BRWD3: variants seen among roughly 807,000 people sequenced by gnomAD.
BRWD3 encodes the protein bromodomain and WD repeat domain containing 3, also known as bromodomain and WD repeat-containing protein 3.
Under a neutral mutation model 149.7 loss-of-function variants are expected in BRWD3, and 10 were observed. The ratio of observed to expected loss-of-function variants is 0.07; its 90% CI spans 0.04 to 0.11. The LOEUF (loss-of-function observed/expected upper bound fraction) is 0.11. Among genes scored for constraint, BRWD3 ranks in the 10% least tolerant of loss-of-function variants. The pLI, the probability that BRWD3 is intolerant of heterozygous loss-of-function variation, is 1.00. For missense variants in BRWD3, 940 were observed against 1,373.2 expected (o/e 0.68, Z 4.99); for synonymous variants, 504 against 456.7 (o/e 1.10, Z -1.32).
At chrX:80,790,473 CA>C (rs1433679493) in intron 6 of BRWD3, among the ~76,000 whole-genome samples, 2 of 111,209 alleles carry the variant, frequency 1.8e-5, no homozygotes, top group African/African-American at 6.5e-5. Flanking sequence ...AGCTCCTCCC[CA>C]AATAACATGC....
rs200361750 is a variant in BRWD3, at chrX:80,685,672, G to GAATTGTACATTCGTCATTCTA, written c.4006-137_4006-136insTAGAATGACGAATGTACAATT. The GAATTGTACATTCGTCATTCTA allele has an allele frequency of 0.019, 9,363 of 504,001 alleles. 114 individuals carry two copies. The highest frequency in any genetic ancestry group is 0.022 in the Non-Finnish European group (6,516 of 291,659). The allele number at this position is 504,001 out of a possible 1,213,427, so 41.5% of individuals were successfully genotyped here. A position where few individuals can be genotyped will look rare whatever the true frequency, so the allele number is the denominator to read the frequency against. The stretch of plus-strand genomic sequence containing the variant: ...TTATCGGCTGTACTTTAAGGTGAAG[G>GAATTGTACATTCGTCATTCTA]AATTGTACATTCGTCATTCTCCTTT... On this transcript the variant is annotated intron_variant, in intron 35 of 40. Transcript: ENST00000373275.
At chrX:80,761,994 T>C (rs1361463393) in intron 6 of BRWD3, among the ~76,000 whole-genome samples, 1 of 111,540 alleles carries the variant, frequency 9.0e-6, no homozygotes, top group Non-Finnish European at 1.9e-5. Context: ...CTAATGAAAT[T>C]TTCATCAGAA....
intron 5 of BRWD3, 100 bp from the exon 6 acceptor site, chrX:80,792,052 C>A: frequency 1.8e-6 from 1 of 548,336 alleles, no homozygotes; most frequent in Admixed American, 3.6e-5. Flanking sequence ...TGTTGGAATA[C>A]ATTTTTAATT....
Position 80,723,981 on chromosome X carries a change from T to C in BRWD3, c.1522-105A>G. 4.4e-6 allele frequency: 4 copies of C among 906,551 alleles called. No homozygotes were observed. In the South Asian group the frequency reaches 8.4e-5, roughly 19 times the overall value. 74.7% of individuals were successfully genotyped at this position (906,551 alleles called of 1,213,427 possible). On this transcript the variant is annotated intron_variant, in intron 15 of 40. Transcript: ENST00000373275. ...CCATGGACTCTGTGATACACAAACA[T>C]TCCAAAGTACTCTCTCTGGCTTCTG...
At chrX:80,797,018 T>C (rs1436630651) in intron 4 of BRWD3, among the ~76,000 whole-genome samples, 1 of 111,163 alleles carries the variant, frequency 9.0e-6, no homozygotes, top group Non-Finnish European at 1.9e-5. Flanking sequence ...CTACAAAAAA[T>C]AAAAATAAAA....
chrX:80,707,414 C>A lies in BRWD3; in HGVS notation c.2552+13G>T. ...TTCAATAATTTTGACCAAATTAAAA[C>A]CATTAAAACTACCTGGAAGAACTTT... On this transcript the variant is annotated intron_variant, in intron 22 of 40. Coordinates refer to ENST00000373275, the MANE Select transcript of BRWD3 (RefSeq NM_153252.5). 8.4e-7 allele frequency: 1 copy of A among 1,195,604 alleles called. No homozygotes were observed. The highest frequency in any genetic ancestry group is 1.1e-6 in the Non-Finnish European group (1 of 881,010).
At chrX:80,781,502 C>A (rs761560620) in intron 6 of BRWD3, among the ~76,000 whole-genome samples, 3 of 111,035 alleles carry the variant, frequency 2.7e-5, no homozygotes, top group Admixed American at 9.7e-5. Context: ...CTCAGTCCCC[C>A]CTCTCAACAA....
At chrX:80,785,485 T>C (rs1433155741) in intron 6 of BRWD3, among the ~76,000 whole-genome samples, 1 of 112,166 alleles carries the variant, frequency 8.9e-6, no homozygotes, top group Non-Finnish European at 1.9e-5. Flanking sequence ...TCCTTCCTTA[T>C]GCTCCCTTAC....
chrX:80,808,662 C>G, intron 3 of BRWD3, 64 bp from the exon 4 acceptor site: 1 of 1,026,551 alleles, frequency 9.7e-7, no homozygotes, highest in South Asian at 1.9e-5. Flanking sequence ...GCCTCCGCTC[C>G]CCATCAACTG....
intron 33 of BRWD3, among the ~76,000 whole-genome samples, 161 bp downstream of exon 33, chrX:80,689,607 T>A (rs1409711047): frequency 9.0e-6 from 1 of 111,555 alleles, no homozygotes; most frequent in African/African-American, 3.3e-5. Flanking sequence ...ATTTTATTTT[T>A]GGTATATGCC....
At chrX:80,789,219 G>A (rs1186791787) in intron 6 of BRWD3, among the ~76,000 whole-genome samples, 1 of 111,622 alleles carries the variant, frequency 9.0e-6, no homozygotes, top group Non-Finnish European at 1.9e-5. Flanking sequence ...TATAACTTAG[G>A]CCAATCAAAT....
intron 5 of BRWD3, 50 bp downstream of exon 5, chrX:80,793,572 C>A (rs368767975): frequency 8.8e-7 from 1 of 1,142,790 alleles, no homozygotes; most frequent in Non-Finnish European, 1.2e-6. Flanking sequence ...AAATAAGCTA[C>A]TCTCCACTCC....
At chrX:80,731,005 C>G (rs921349961) in intron 12 of BRWD3, among the ~76,000 whole-genome samples, 4 of 111,497 alleles carry the variant, frequency 3.6e-5, no homozygotes, top group Admixed American at 1.9e-4. Context: ...CTGTGATGAA[C>G]ATCTCTATAT....
chrX:80,795,462 T>C (rs2074228397), intron 4 of BRWD3, among the ~76,000 whole-genome samples: 1 of 109,903 alleles, frequency 9.1e-6, no homozygotes, highest in Non-Finnish European at 1.9e-5. Context: ...TGTATATGTA[T>C]AGATACCTAT....
chrX:80,676,692 T>C lies in BRWD3; in HGVS notation c.5326A>G (p.Asn1776Asp). Residue 1776 changes from asparagine (N) to aspartate (D), a missense_variant, in exon 41 of 41, where the codon AAT becomes GAT. This residue lies in a region of BRWD3 where 16 missense variants were observed against 42.0 expected (regional missense o/e 0.38). Coordinates refer to ENST00000373275, the MANE Select transcript of BRWD3 (RefSeq NM_153252.5). The stretch of plus-strand genomic sequence containing the variant: ...CTGCCTGATCTGGATGTACCAAGAT[T>C]CAGAGGATCCTCAGTGGACACAAAA... ...DNFVSTEDPL[N>D]LGTSRSGRVR... 1 of 1,211,147 alleles carries C rather than the reference T, an allele frequency of 8.3e-7. No individual in the cohort carries two copies. Among genetic ancestry groups the C allele is most frequent in the Non-Finnish European group, 1.1e-6 (1 of 895,090 alleles).
Position 80,693,008 on chromosome X carries a change from C to A in BRWD3, c.3195G>T (p.Gly1065=), listed in dbSNP as rs890345126. ...RSIIDDAWWF[G]TVESQQPFQP... ...GAAAAGGCTGCTGACTCTCCACAGT[C>A]CCAAACCACCAGGCGTCATCTATTA... The change falls in exon 28 of 41, where the codon GGG becomes GGT. Residue 1065 remains glycine, a synonymous_variant. Transcript: ENST00000373275. 1.3e-5 allele frequency: 16 copies of A among 1,209,249 alleles called. No individual in the cohort carries two copies. Among genetic ancestry groups the A allele is most frequent in the African/African-American group, 1.7e-5 (1 of 57,218 alleles).
At position 80,709,702 on chromosome X, in the gene BRWD3, T is replaced by C. The variant is rs184828288; in HGVS notation, c.2326-125A>G. 1,126 of 562,746 alleles carry C rather than the reference T, an allele frequency of 2.0e-3. 8 individuals carry two copies. The African/African-American group carries it at 0.022, about 11-fold the overall frequency. 46.4% of individuals were successfully genotyped at this position (562,746 alleles called of 1,213,427 possible). A position where few individuals can be genotyped will look rare whatever the true frequency, so the allele number is the denominator to read the frequency against. ...GGAGATGAGAATAAATTCCCCAAAA[T>C]AAAGTCAACATAGAACTATATTTAT... On this transcript the variant is annotated intron_variant, in intron 20 of 40. Transcript: ENST00000373275.
rs1308071364 is a variant in BRWD3, at chrX:80,696,757, C to G, written c.3050G>C (p.Gly1017Ala). The G allele has an allele frequency of 1.7e-6, 2 of 1,210,544 alleles. No homozygotes were observed. Among genetic ancestry groups the G allele is most frequent in the Admixed American group, 2.2e-5 (1 of 45,865 alleles). ...TACTCACTTAATGGAAAAAGATTCT[C>G]CAGTCATTTTGCCTGAAATTGGGTC... ...FLDPISGKMTGESFSIKYHDM... is the reference protein window; with the variant it reads ...FLDPISGKMTAESFSIKYHDM... Residue 1017 changes from glycine to alanine, a missense_variant, in exon 26 of 41, where the codon GGA becomes GCA. Gly to Ala is a moderately conservative substitution (Grantham distance 60). Transcript: ENST00000373275.
chrX:80,707,576 C>T (rs1266837214), intron 21 of BRWD3, 73 bp from the exon 22 acceptor site: 6 of 991,140 alleles, frequency 6.1e-6, no homozygotes, highest in Non-Finnish European at 8.5e-6. Context: ...AAAACCACTA[C>T]CTGTTTTATA....
Sources: gnomAD v4.1 joint callset for allele counts (sites outside exome capture counted in the v4.1 genomes callset) on GRCh38, gnomAD v4.1.1 for gene constraint, gnomAD v4.1.1 regional missense constraint, MANE v1.5 for transcripts, NCBI Gene and HGNC (gene_info 2026-07-23, HGNC 2026-07-21) for gene names.